CNOT6L: variants seen among roughly 807,000 people sequenced by gnomAD.
CNOT6L encodes the protein CCR4-NOT transcription complex subunit 6 like.
In CNOT6L, 7 loss-of-function variants were observed where a neutral mutation model predicts 64.0. The observed-to-expected ratio is 0.11, with a 90% CI of 0.06 to 0.21. The LOEUF is 0.21. CNOT6L is among the 10% of genes least tolerant of loss of function. The pLI is 1.00. For synonymous variants in CNOT6L, 193 were observed against 243.4 expected (o/e 0.79, Z 1.93); for missense variants, 245 against 669.0 (o/e 0.37, Z 6.99).
chr4:77,726,105 CTTTT>C (rs1186736175), intron 11 of CNOT6L, 58 bp downstream of exon 11: 15 of 1,435,836 alleles, frequency 1.0e-5, no homozygotes, highest in Middle Eastern at 1.8e-4. Context: ...GAATTTACAC[CTTTT>C]TTGTTACATG....
chr4:77,761,289 G>A (rs1401533631), intron 4 of CNOT6L, among the ~76,000 whole-genome samples: 3 of 152,080 alleles, frequency 2.0e-5, no homozygotes, highest in African/African-American at 7.2e-5. Flanking sequence ...ATTAGTGCAG[G>A]AGAATCAACC....
At chr4:77,803,097 G>A (rs1731782491) in intron 1 of CNOT6L, among the ~76,000 whole-genome samples, 1 of 151,940 alleles carries the variant, frequency 6.6e-6, no homozygotes, top group Non-Finnish European at 1.5e-5. Context: ...ATAAGGTAAT[G>A]TTTCTAAAAT....
intron 1 of CNOT6L, among the ~76,000 whole-genome samples, chr4:77,796,200 T>C (rs80136348): frequency 1.3e-5 from 2 of 152,146 alleles, no homozygotes; most frequent in South Asian, 2.1e-4. Flanking sequence ...TTCTAAAATA[T>C]ATATGGAAAT....
intron 1 of CNOT6L, among the ~76,000 whole-genome samples, chr4:77,778,972 G>A (rs1236154091): frequency 8.7e-5 from 13 of 149,812 alleles, no homozygotes; most frequent in African/African-American, 2.7e-4. Context: ...GCGTGAACCC[G>A]GAAGGCGGAG....
At chr4:77,727,974 A>T (rs1488729416) in intron 10 of CNOT6L, among the ~76,000 whole-genome samples, 2 of 152,154 alleles carry the variant, frequency 1.3e-5, no homozygotes, top group African/African-American at 4.8e-5. Flanking sequence ...ACTTTAAATA[A>T]CTTAAAATAG....
intron 4 of CNOT6L, among the ~76,000 whole-genome samples, chr4:77,770,114 A>T (rs539809338): frequency 6.6e-6 from 1 of 152,244 alleles, no homozygotes; most frequent in South Asian, 2.1e-4. Context: ...TCTTATCCTA[A>T]TTCCTCAAAT....
rs1330801763 is a variant in CNOT6L at position 77,744,824 on chromosome 4, C to T, written c.611G>A (p.Arg204Gln). ...GGATGGGCAATAGCCATATAGCTGCCGGGTAGCGTATTTATCACATAACAC... is the reference window on the plus strand; with the variant it reads ...GGATGGGCAATAGCCATATAGCTGCTGGGTAGCGTATTTATCACATAACAC... ...YNVLCDKYAT[R>Q]QLYGYCPSWA... The change falls in exon 7 of 12, where the codon CGG becomes CAG. Residue 204 changes from arginine (R) to glutamine (Q), a missense_variant. Physicochemically the swap from Arg to Gln is conservative, Grantham distance 43 (BLOSUM62 1). Transcript: ENST00000504123. The T allele has an allele frequency of 6.2e-7, 1 of 1,613,278 alleles. No individual in the cohort carries two copies.
At chr4:77,750,107 GAT>G (rs1724693193) in intron 5 of CNOT6L, among the ~76,000 whole-genome samples, 1 of 152,042 alleles carries the variant, frequency 6.6e-6, no homozygotes, top group South Asian at 2.1e-4. Context: ...AACAAAATGT[GAT>G]ATATTTTATT....
chr4:77,787,477 C>A (rs1729585780), intron 1 of CNOT6L, among the ~76,000 whole-genome samples: 1 of 152,140 alleles, frequency 6.6e-6, no homozygotes, highest in Admixed American at 6.6e-5. Context: ...ATAAAATACT[C>A]TTGTCACTTG....
At chr4:77,812,423 G>A (rs1043667671) in intron 1 of CNOT6L, among the ~76,000 whole-genome samples, 3 of 149,552 alleles carry the variant, frequency 2.0e-5, no homozygotes, top group Non-Finnish European at 3.0e-5. Flanking sequence ...GGGCGACAGA[G>A]TGAGACTCCA....
At chr4:77,809,730 C>T (rs1732691389) in intron 1 of CNOT6L, among the ~76,000 whole-genome samples, 2 of 151,988 alleles carry the variant, frequency 1.3e-5, no homozygotes, top group Non-Finnish European at 2.9e-5. Context: ...GTATTTGTAG[C>T]TGGTATTATG....
chr4:77,779,877 T>C (rs893990456), intron 1 of CNOT6L, among the ~76,000 whole-genome samples: 2 of 152,120 alleles, frequency 1.3e-5, no homozygotes, highest in Non-Finnish European at 2.9e-5. Flanking sequence ...GGCAGGAGAA[T>C]GGCATGAACC....
chr4:77,770,138 C>T (rs902080375), intron 4 of CNOT6L, among the ~76,000 whole-genome samples: 39 of 152,100 alleles, frequency 2.6e-4, no homozygotes, highest in Admixed American at 7.2e-4. Context: ...TTACTCTCCA[C>T]GCTCTCCTCA....
chr4:77,790,218 A>ACGTGTG (rs2110106751), intron 1 of CNOT6L, among the ~76,000 whole-genome samples: 1 of 152,144 alleles, frequency 6.6e-6, no homozygotes, highest in Non-Finnish European at 1.5e-5. Context: ...AGTTTCCTCC[A>ACGTGTG]TGTCTTTTCA....
chr4:77,720,320 G>C lies in CNOT6L; in HGVS notation c.*111C>G. On this transcript the variant is annotated 3_prime_UTR_variant, in exon 12 of 12. Coordinates refer to ENST00000504123, the MANE Select transcript of CNOT6L (RefSeq NM_144571.3). ...GTCTTACAGCAAACACATAATGAAA[G>C]AAACCTGAAGAAGCAGCTTAAGGAT... The C allele has an allele frequency of 8.0e-7, 1 of 1,244,746 alleles. No homozygotes were observed. Among genetic ancestry groups the C allele is most frequent in the Non-Finnish European group, 1.1e-6 (1 of 880,740 alleles). The allele number at this position is 1,244,746 out of a possible 1,614,324, so 77.1% of individuals were successfully genotyped here.
At chr4:77,818,671 G>A (rs983921841) in intron 1 of CNOT6L, among the ~76,000 whole-genome samples, 1 of 152,150 alleles carries the variant, frequency 6.6e-6, no homozygotes, top group African/African-American at 2.4e-5. Flanking sequence ...CCTCTCAGGA[G>A]ACGCGGAGGC....
At chr4:77,726,929 T>C (rs554766626) in intron 10 of CNOT6L, among the ~76,000 whole-genome samples, 11 of 152,326 alleles carry the variant, frequency 7.2e-5, no homozygotes, top group Non-Finnish European at 1.3e-4. Context: ...AAGCATATTA[T>C]ATGCCAGAAG....
intron 1 of CNOT6L, among the ~76,000 whole-genome samples, chr4:77,813,993 C>A (rs1353337052): frequency 6.6e-6 from 1 of 152,168 alleles, no homozygotes; most frequent in Non-Finnish European, 1.5e-5. Context: ...AAGTCTATGT[C>A]CATCAGCTCA....
At chr4:77,812,365 G>A (rs1813724) in intron 1 of CNOT6L, among the ~76,000 whole-genome samples, 1,561 of 151,398 alleles carry the variant, frequency 0.01, 31 homozygotes, top group African/African-American at 0.036. Context: ...TTGAACCCAG[G>A]AGGCAGAGGT....
Sources: gnomAD v4.1 joint callset for allele counts (sites outside exome capture counted in the v4.1 genomes callset) on GRCh38, gnomAD v4.1.1 for gene constraint, MANE v1.5 for transcripts, NCBI Gene and HGNC (gene_info 2026-07-23, HGNC 2026-07-21) for gene names.